Variants in ROCK2 observed in about 807,000 individuals in gnomAD.
ROCK2 encodes rho-associated protein kinase 2.
ROCK2 carries 61 observed loss-of-function variants against 195.1 expected under a neutral mutation model. The observed-to-expected ratio is 0.31, with a 90% CI of 0.25 to 0.39. The LOEUF is 0.39. Ranked by LOEUF, ROCK2 falls within the 10% of genes least tolerant of loss-of-function variation. ROCK2 has a pLI of 1.00. For synonymous variants in ROCK2, 504 were observed against 545.5 expected, an observed-to-expected ratio of 0.92 and a Z score of 1.06; for missense variants, 1,109 against 1,637.4, an observed-to-expected ratio of 0.68 and a Z score of 5.57.
intron 11 of ROCK2, 22 bp downstream of exon 11, chr2:11,218,433 A>G (rs750171818): frequency 7.1e-6 from 11 of 1,551,440 alleles, no homozygotes; most frequent in Middle Eastern, 1.7e-4. Context: ...GTTTTTCAAT[A>G]TATCTGACAA....
At chr2:11,343,138 A>G (rs1267053728) in intron 1 of ROCK2, among the ~76,000 whole-genome samples, 1 of 152,184 alleles carries the variant, frequency 6.6e-6, no homozygotes, top group Non-Finnish European at 1.5e-5. Flanking sequence ...TCCCCAGGGT[A>G]AAAGTCCACA....
intron 4 of ROCK2, among the ~76,000 whole-genome samples, chr2:11,239,581 C>T (rs979458724): frequency 5.9e-5 from 9 of 152,148 alleles, no homozygotes; most frequent in African/African-American, 1.9e-4. Context: ...ATATTCATAT[C>T]GGCATTATTC....
intron 20 of ROCK2, among the ~76,000 whole-genome samples, chr2:11,206,881 C>T (rs1054634900): frequency 2.6e-5 from 4 of 152,142 alleles, no homozygotes; most frequent in African/African-American, 9.7e-5. Context: ...AAATCATTTG[C>T]CCGATGTTGG....
rs552287997 is a variant in ROCK2 at position 11,312,626 on chromosome 2, T to C, written c.142-24890A>G. ...TTTCCATGTATTAATAATGCATTTG[T>C]TATTGCTGAGAATAGATGTTCCTCA... On this transcript the variant is annotated intron_variant, in intron 1 of 32. Transcript: ENST00000315872. Among the ~76,000 whole-genome samples the C allele has an allele frequency of 1.2e-4, 18 of 152,300 alleles. 1 individual carries two copies. In the South Asian group the frequency reaches 3.7e-3, roughly 32 times the overall value.
intron 3 of ROCK2, among the ~76,000 whole-genome samples, chr2:11,284,437 C>A (rs1333963851): frequency 6.6e-6 from 1 of 152,112 alleles, no homozygotes; most frequent in East Asian, 1.9e-4. Context: ...TCAGTTGTAA[C>A]AAATGTACTC....
chr2:11,265,319 T>C (rs1164041261), intron 3 of ROCK2, among the ~76,000 whole-genome samples: 1 of 152,186 alleles, frequency 6.6e-6, no homozygotes, highest in African/African-American at 2.4e-5. Context: ...ATAAGAGTAG[T>C]TCTCTCTCAA....
At chr2:11,269,715 C>T (rs1666557764) in intron 3 of ROCK2, among the ~76,000 whole-genome samples, 1 of 152,164 alleles carries the variant, frequency 6.6e-6, no homozygotes, top group Non-Finnish European at 1.5e-5. Context: ...ACTCCCCTCT[C>T]TTTTCAGAAT....
At chr2:11,267,507 C>T (rs973382228) in intron 3 of ROCK2, among the ~76,000 whole-genome samples, 4 of 137,954 alleles carry the variant, frequency 2.9e-5, no homozygotes, top group Non-Finnish European at 4.7e-5. Flanking sequence ...TTTTCACATA[C>T]AAAAAAAAAA....
At position 11,233,316 on chromosome 2, in the gene ROCK2, C is replaced by T. The variant is rs550208304; in HGVS notation, c.723+2386G>A. On this transcript the variant is annotated intron_variant, in intron 5 of 32. Coordinates refer to ENST00000315872, the MANE Select transcript of ROCK2 (RefSeq NM_004850.5). ...TGAACATAATTGTTTAAAGATACTA[C>T]TGTATATCAACGGAACTGGTAACCC... 6.6e-5 allele frequency among the ~76,000 whole-genome samples: 10 copies of T among 152,268 alleles called. 1 individual carries two copies. The South Asian group carries it at 2.1e-3, about 32-fold the overall frequency.
intron 18 of ROCK2, among the ~76,000 whole-genome samples, chr2:11,209,345 T>C (rs1480485967): frequency 6.6e-6 from 1 of 152,070 alleles, no homozygotes; most frequent in Non-Finnish European, 1.5e-5. Context: ...CCTAGGGAGG[T>C]TGTGAAGATT....
chr2:11,183,896 A>G (rs373348015), intron 32 of ROCK2, among the ~76,000 whole-genome samples: 43 of 152,300 alleles, frequency 2.8e-4, no homozygotes, highest in African/African-American at 9.9e-4. Context: ...TGTAGTAAAT[A>G]TATACAAGCT....
At chr2:11,204,122 C>T (rs991990744) in intron 20 of ROCK2, among the ~76,000 whole-genome samples, 8 of 152,298 alleles carry the variant, frequency 5.3e-5, no homozygotes, top group African/African-American at 1.7e-4. Flanking sequence ...TAATCCTATT[C>T]GCCTAGAAGA....
At chr2:11,225,687 G>A (rs1463500145) in intron 6 of ROCK2, among the ~76,000 whole-genome samples, 2 of 152,084 alleles carry the variant, frequency 1.3e-5, no homozygotes, top group East Asian at 1.9e-4. Flanking sequence ...TTCCTCTAAA[G>A]TACCTTATTT....
chr2:11,318,131 A>C (rs181350366), intron 1 of ROCK2, among the ~76,000 whole-genome samples: 2 of 152,284 alleles, frequency 1.3e-5, no homozygotes, highest in East Asian at 3.9e-4. Context: ...TATACCCACT[A>C]ATGGGATGGC....
chr2:11,281,546 C>A (rs1572355337), intron 3 of ROCK2, among the ~76,000 whole-genome samples: 1 of 152,106 alleles, frequency 6.6e-6, no homozygotes, highest in East Asian at 1.9e-4. Flanking sequence ...AAGTTCATTG[C>A]TTTCCTGTAG....
At chr2:11,310,309 G>C (rs189011491) in intron 1 of ROCK2, among the ~76,000 whole-genome samples, 3 of 152,198 alleles carry the variant, frequency 2.0e-5, no homozygotes, top group African/African-American at 4.8e-5. Context: ...TCACTGTAAA[G>C]TCTTATTTAC....
chr2:11,306,072 G>A (rs1667849705), intron 1 of ROCK2, among the ~76,000 whole-genome samples: 1 of 152,186 alleles, frequency 6.6e-6, no homozygotes, highest in Admixed American at 6.5e-5. Flanking sequence ...AGAGATTCGA[G>A]AGCCATGAGA....
intron 8 of ROCK2, 46 bp from the exon 9 acceptor site, chr2:11,221,403 T>C (rs755137983): frequency 7.4e-7 from 1 of 1,354,964 alleles, no homozygotes; most frequent in Non-Finnish European, 1.0e-6. Context: ...AACCAAAATA[T>C]ATAAACCATC....
At chr2:11,186,956 T>TA (rs1487792145) in intron 32 of ROCK2, among the ~76,000 whole-genome samples, 2 of 152,152 alleles carry the variant, frequency 1.3e-5, no homozygotes, top group African/African-American at 2.4e-5. Context: ...CATAGTACTG[T>TA]AATTGCCTGT....
Sources: gnomAD v4.1 joint callset for allele counts (sites outside exome capture counted in the v4.1 genomes callset) on GRCh38, gnomAD v4.1.1 for gene constraint, MANE v1.5 for transcripts, NCBI Gene and HGNC (gene_info 2026-07-23, HGNC 2026-07-21) for gene names.